Variants in CERS6 observed in about 807,000 individuals in gnomAD.
The protein encoded by CERS6 is LAG1 homolog, ceramide synthase 6.
In CERS6, 26 loss-of-function variants were observed where a neutral mutation model predicts 56.8. That is an observed-to-expected ratio of 0.46 (90% confidence interval 0.34 to 0.63). CERS6 has a LOEUF of 0.63. Among genes scored for constraint, CERS6 ranks in the 30% least tolerant of loss-of-function variants. The pLI, the probability that CERS6 is intolerant of heterozygous loss-of-function variation, is 0.01. For missense variants in CERS6, 415 were observed against 467.5 expected, an observed-to-expected ratio of 0.89 and a Z score of 1.04; for synonymous variants, 164 against 173.3, an observed-to-expected ratio of 0.95 and a Z score of 0.42.
At chr2:168,495,349 A>G (rs1440725972) in intron 1 of CERS6, among the ~76,000 whole-genome samples, 2 of 152,218 alleles carry the variant, frequency 1.3e-5, no homozygotes, top group Non-Finnish European at 2.9e-5. Context: ...AAGTCAAAAC[A>G]ATAGTCACCT....
intron 1 of CERS6, among the ~76,000 whole-genome samples, chr2:168,476,725 AAG>A (rs1694079086): frequency 6.6e-6 from 1 of 151,906 alleles, no homozygotes; most frequent in Non-Finnish European, 1.5e-5. Context: ...GCGGGAGGAG[AAG>A]AGTGTGTGCT....
At chr2:168,598,337 G>A (rs1683850777) in intron 3 of CERS6, among the ~76,000 whole-genome samples, 1 of 152,082 alleles carries the variant, frequency 6.6e-6, no homozygotes, top group South Asian at 2.1e-4. Flanking sequence ...CGTTTTTGGG[G>A]GGAAGAGAAA....
chr2:168,585,144 TCA>T (rs2105399095), intron 3 of CERS6, among the ~76,000 whole-genome samples: 1 of 152,390 alleles, frequency 6.6e-6, no homozygotes, highest in Non-Finnish European at 1.5e-5. Context: ...AACACACAAC[TCA>T]CTGATTCTCT....
chr2:168,618,358 C>T (rs899365470), intron 3 of CERS6, among the ~76,000 whole-genome samples: 1 of 152,146 alleles, frequency 6.6e-6, no homozygotes, highest in African/African-American at 2.4e-5. Context: ...TTCTCTTCAA[C>T]ATAGTACTGG....
intron 4 of CERS6, among the ~76,000 whole-genome samples, chr2:168,674,968 T>G: frequency 1.9e-4 from 1 of 5,348 alleles, no homozygotes; most frequent in African/African-American, 3.0e-4. Flanking sequence ...CCTTATTTAT[T>G]TATTTATTTA....
At chr2:168,500,707 T>A (rs1284423523) in intron 1 of CERS6, among the ~76,000 whole-genome samples, 2 of 152,142 alleles carry the variant, frequency 1.3e-5, no homozygotes, top group African/African-American at 4.8e-5. Context: ...TTCCATACAA[T>A]CTCAAGGGAA....
chr2:168,623,562 C>T (rs148673945), intron 3 of CERS6, among the ~76,000 whole-genome samples: 9 of 152,254 alleles, frequency 5.9e-5, no homozygotes, highest in African/African-American at 1.9e-4. Flanking sequence ...GAATCATTAA[C>T]GTGCTTGAAT....
intron 4 of CERS6, among the ~76,000 whole-genome samples, chr2:168,677,780 A>T (rs1488255670): frequency 6.6e-6 from 1 of 152,178 alleles, no homozygotes; most frequent in Non-Finnish European, 1.5e-5. Context: ...TACAGGCATG[A>T]GCCACTGTGC....
At chr2:168,621,748 C>G (rs1684475847) in intron 3 of CERS6, among the ~76,000 whole-genome samples, 1 of 152,088 alleles carries the variant, frequency 6.6e-6, no homozygotes, top group Admixed American at 6.6e-5. Context: ...CACTAAAAAA[C>G]AAAATCAAAG....
intron 4 of CERS6, among the ~76,000 whole-genome samples, chr2:168,681,515 A>C (rs1390124079): frequency 6.6e-6 from 1 of 152,138 alleles, no homozygotes; most frequent in Non-Finnish European, 1.5e-5. Context: ...ATTATTTTTG[A>C]TATGCAATTT....
Position 168,578,903 on chromosome 2 carries a change from C to A in CERS6, c.407+17581C>A, listed in dbSNP as rs553819313. ...TAACATTATTAAATGTCTCTGTTTA[C>A]AAGATATGATTTCATGGCTGAACTC... On this transcript the variant is annotated intron_variant, in intron 3 of 9. Coordinates refer to ENST00000305747, the MANE Select transcript of CERS6 (RefSeq NM_203463.3). 2.6e-5 allele frequency among the ~76,000 whole-genome samples: 4 copies of A among 152,058 alleles called. No individual in the cohort carries two copies. In the East Asian group the frequency reaches 5.8e-4, roughly 22 times the overall value.
intron 8 of CERS6, among the ~76,000 whole-genome samples, chr2:168,756,661 C>CAG (rs2105452577): frequency 6.6e-6 from 1 of 152,276 alleles, no homozygotes; most frequent in African/African-American, 2.4e-5. Context: ...AAATGCTGAA[C>CAG]AGAGATATTG....
intron 4 of CERS6, among the ~76,000 whole-genome samples, chr2:168,637,491 G>GA (rs1192646409): frequency 1.3e-5 from 2 of 151,896 alleles, no homozygotes; most frequent in East Asian, 3.9e-4. Flanking sequence ...TAAAAAAAAA[G>GA]AAAAAATTAC....
chr2:168,580,382 C>G (rs569398878), intron 3 of CERS6, among the ~76,000 whole-genome samples: 4 of 151,746 alleles, frequency 2.6e-5, no homozygotes, highest in Non-Finnish European at 4.4e-5. Flanking sequence ...GGTGGTTATC[C>G]TAGAAATTAC....
chr2:168,528,625 T>A (rs1372499891), intron 1 of CERS6, among the ~76,000 whole-genome samples: 1 of 152,084 alleles, frequency 6.6e-6, no homozygotes, highest in Non-Finnish European at 1.5e-5. Context: ...CATAAGGGAG[T>A]TAGGCAGAAG....
chr2:168,534,739 A>G (rs758610381), intron 1 of CERS6, among the ~76,000 whole-genome samples: 2 of 152,200 alleles, frequency 1.3e-5, no homozygotes, highest in Non-Finnish European at 2.9e-5. Context: ...CCGTTTAACA[A>G]AGCACTTTGT....
rs1266710358 is a variant in CERS6 at position 168,775,070 on chromosome 2, CATT to C, written c.*5414_*5416del. ...TTCATTCTTGATCTCTGGAAGCAAT[CATT>C]ATTATGAGGATCATTTTACTTTGGA... On this transcript the variant is annotated 3_prime_UTR_variant, in exon 10 of 10. Coordinates refer to ENST00000305747, the MANE Select transcript of CERS6 (RefSeq NM_203463.3). The C allele has an allele frequency of 3.3e-5, 5 of 152,182 alleles. No homozygotes were observed. The highest frequency in any genetic ancestry group is 5.9e-5 in the Non-Finnish European group (4 of 68,030). 9.4% of individuals were successfully genotyped at this position (152,182 alleles called of 1,614,324 possible).
In CERS6 at chr2:168,496,593, C is replaced by G. The variant is rs553671760; in HGVS notation, c.170+39975C>G. ...TGTCAAATTGATAGTGAGCACAACA[C>G]TTTCTTACCTGCCTACTCACAGGGT... On this transcript the variant is annotated intron_variant, in intron 1 of 9. Transcript: ENST00000305747. Among the ~76,000 whole-genome samples the G allele has an allele frequency of 3.3e-5, 5 of 152,258 alleles. No individual in the cohort carries two copies. The East Asian group carries it at 9.7e-4, about 29-fold the overall frequency.
intron 8 of CERS6, among the ~76,000 whole-genome samples, chr2:168,756,472 A>G (rs1684418867): frequency 6.6e-6 from 1 of 152,236 alleles, no homozygotes; most frequent in South Asian, 2.1e-4. Flanking sequence ...AGTAATGGAG[A>G]CAATTCTGTT....
Sources: gnomAD v4.1 joint callset for allele counts (sites outside exome capture counted in the v4.1 genomes callset) on GRCh38, gnomAD v4.1.1 for gene constraint, MANE v1.5 for transcripts, NCBI Gene and HGNC (gene_info 2026-07-23, HGNC 2026-07-21) for gene names.